FRMPD4: variants seen among roughly 807,000 people sequenced by gnomAD.
The protein encoded by FRMPD4 is FERM and PDZ domain-containing protein 4.
FRMPD4 carries 22 observed loss-of-function variants against 94.1 expected under a neutral mutation model. The observed-to-expected ratio is 0.23, with a 90% confidence interval of 0.17 to 0.33. The LOEUF is 0.33. Among genes scored for constraint, FRMPD4 ranks in the 10% least tolerant of loss-of-function variants. The pLI, the probability that FRMPD4 is intolerant of heterozygous loss-of-function variation, is 1.00. For synonymous variants in FRMPD4, 631 were observed against 548.6 expected (o/e 1.15, Z -2.10); for missense variants, 1,111 against 1,339.9 (o/e 0.83, Z 2.67).
intron 3 of FRMPD4, among the ~76,000 whole-genome samples, chrX:12,125,686 T>A (rs915741107): frequency 8.9e-6 from 1 of 112,083 alleles, no homozygotes; most frequent in Non-Finnish European, 1.9e-5. Flanking sequence ...TAGATTTACA[T>A]CCTTTGGTTT....
At chrX:12,153,363 G>A (rs2147601388) in intron 1 of FRMPD4, among the ~76,000 whole-genome samples, 1 of 112,277 alleles carries the variant, frequency 8.9e-6, no homozygotes, top group African/African-American at 3.2e-5. Context: ...GCGATGTATT[G>A]ATGGATGTTT....
chrX:12,616,824 T>TTGCATGGA (rs1215180759), intron 4 of FRMPD4, among the ~76,000 whole-genome samples: 1 of 111,948 alleles, frequency 8.9e-6, no homozygotes, highest in Non-Finnish European at 1.9e-5. Flanking sequence ...ATGGCAGAAG[T>TTGCATGGA]TGCATGGATG....
chrX:12,422,044 T>G (rs2056890384), intron 1 of FRMPD4, among the ~76,000 whole-genome samples: 1 of 112,322 alleles, frequency 8.9e-6, no homozygotes, highest in Admixed American at 9.4e-5. Flanking sequence ...ATGTAAAACA[T>G]TTTTGGTATG....
intron 1 of FRMPD4, among the ~76,000 whole-genome samples, chrX:11,841,162 T>C (rs1238286981): frequency 9.2e-6 from 1 of 108,823 alleles, no homozygotes; most frequent in Non-Finnish European, 1.9e-5. Flanking sequence ...GACATTTGGG[T>C]TGGTTCCAAG....
rs1032943529 is a variant in FRMPD4, at chrX:11,872,182, T to C, written c.-29-5713T>C. Reference sequence around the variant, plus strand: ...GTGAATTCTAAGTAATGAGCTTTTCTAATGCTTTCCTCATTTTTCATTGCA... The same window carrying C: ...GTGAATTCTAAGTAATGAGCTTTTCCAATGCTTTCCTCATTTTTCATTGCA... On this transcript the variant is annotated intron_variant, in intron 2 of 18. Transcript: ENST00000640291. Among the ~76,000 whole-genome samples the C allele has an allele frequency of 1.2e-4, 13 of 112,622 alleles. No homozygotes were observed. In the East Asian group the frequency reaches 3.3e-3, roughly 29 times the overall value.
At chrX:12,637,232 C>T (rs2059450977) in intron 4 of FRMPD4, among the ~76,000 whole-genome samples, 1 of 112,361 alleles carries the variant, frequency 8.9e-6, no homozygotes, top group Non-Finnish European at 1.9e-5. Flanking sequence ...GTGACATCAC[C>T]ATAATCCCTC....
At chrX:12,085,637 T>C (rs1417790032) in intron 3 of FRMPD4, among the ~76,000 whole-genome samples, 1 of 112,165 alleles carries the variant, frequency 8.9e-6, no homozygotes, top group Non-Finnish European at 1.9e-5. Context: ...TTTGGGAGAC[T>C]GAGGCAGGAG....
At chrX:11,861,062 A>T (rs1835706458) in intron 1 of FRMPD4, among the ~76,000 whole-genome samples, 1 of 112,225 alleles carries the variant, frequency 8.9e-6, no homozygotes, top group African/African-American at 3.2e-5. Context: ...GACTCATAAA[A>T]TTTTGAGGTA....
intron 3 of FRMPD4, among the ~76,000 whole-genome samples, chrX:11,960,139 C>T (rs2054276751): frequency 8.9e-6 from 1 of 111,939 alleles, no homozygotes; most frequent in Admixed American, 9.5e-5. Flanking sequence ...CAAATTATTA[C>T]AATGTTGGGG....
chrX:12,394,973 C>A (rs761536236), intron 1 of FRMPD4, among the ~76,000 whole-genome samples: 7 of 111,727 alleles, frequency 6.3e-5, no homozygotes, highest in Non-Finnish European at 9.4e-5. Context: ...GTGCTCCCAG[C>A]GTGTACTTGG....
chrX:12,317,508 G>A (rs2055136742), intron 1 of FRMPD4, among the ~76,000 whole-genome samples: 1 of 101,887 alleles, frequency 9.8e-6, no homozygotes, highest in African/African-American at 3.6e-5. Flanking sequence ...CACGGAATGG[G>A]AGAAAATATT....
At chrX:12,065,968 A>G (rs1459693379) in intron 3 of FRMPD4, among the ~76,000 whole-genome samples, 4 of 111,931 alleles carry the variant, frequency 3.6e-5, no homozygotes, top group Non-Finnish European at 7.5e-5. Flanking sequence ...ATCTAACTCT[A>G]TTCCTCCTCT....
chrX:12,624,399 G>A (rs1302480543), intron 4 of FRMPD4, among the ~76,000 whole-genome samples: 1 of 111,933 alleles, frequency 8.9e-6, no homozygotes, highest in African/African-American at 3.2e-5. Flanking sequence ...AGAGTTAGAC[G>A]TGTAGAGTTT....
chrX:12,599,257 T>G (rs2059062348), intron 2 of FRMPD4, among the ~76,000 whole-genome samples: 1 of 110,905 alleles, frequency 9.0e-6, no homozygotes, highest in African/African-American at 3.3e-5. Flanking sequence ...TGATAAAGAC[T>G]TTGCTCATTG....
chrX:12,422,941 G>A (rs781299524), intron 1 of FRMPD4, among the ~76,000 whole-genome samples: 18 of 111,068 alleles, frequency 1.6e-4, no homozygotes, highest in Non-Finnish European at 3.0e-4. Flanking sequence ...GGAGAGAAGG[G>A]CAGTAGACCG....
intron 1 of FRMPD4, among the ~76,000 whole-genome samples, chrX:12,421,441 T>G (rs1245008013): frequency 2.7e-5 from 3 of 111,072 alleles, no homozygotes; most frequent in Admixed American, 9.6e-5. Flanking sequence ...GGTAAAAGGC[T>G]TTTTCTATCT....
At chrX:12,266,182 G>A (rs2054275175) in intron 1 of FRMPD4, among the ~76,000 whole-genome samples, 1 of 102,758 alleles carries the variant, frequency 9.7e-6, no homozygotes, top group Non-Finnish European at 2.0e-5. Flanking sequence ...AAAATGAACA[G>A]GCCATAGTAG....
chrX:12,485,824 G>T (rs898198230), intron 1 of FRMPD4, among the ~76,000 whole-genome samples: 1 of 110,138 alleles, frequency 9.1e-6, no homozygotes, highest in South Asian at 4.0e-4. Context: ...CATGAGAATC[G>T]CTTGAACCCA....
intron 1 of FRMPD4, among the ~76,000 whole-genome samples, chrX:12,460,774 A>G (rs2057382953): frequency 8.9e-6 from 1 of 111,958 alleles, no homozygotes; most frequent in African/African-American, 3.2e-5. Flanking sequence ...TTTACTGCTG[A>G]ATGTAGACCC....
Sources: gnomAD v4.1 joint callset for allele counts (sites outside exome capture counted in the v4.1 genomes callset) on GRCh38, gnomAD v4.1.1 for gene constraint, MANE v1.5 for transcripts, NCBI Gene and HGNC (gene_info 2026-07-23, HGNC 2026-07-21) for gene names.